The following RTN1 variants were observed in gnomAD, a reference collection of about 807,000 sequenced individuals.
The protein encoded by RTN1 is reticulon 1, also known as reticulon-1.
A neutral mutation model predicts 65.5 loss-of-function variants in RTN1; 25 were observed. The observed-to-expected ratio is 0.38, with a 90% CI of 0.28 to 0.53. The LOEUF is 0.53. Among genes scored for constraint, RTN1 ranks in the 20% least tolerant of loss-of-function variants. RTN1 has a pLI of 0.79. For synonymous variants in RTN1, 471 were observed against 447.6 expected, an observed-to-expected ratio of 1.05 and a Z score of -0.66; for missense variants, 983 against 1,025.4, an observed-to-expected ratio of 0.96 and a Z score of 0.57.
intron 3 of RTN1, among the ~76,000 whole-genome samples, chr14:59,709,380 A>T (rs1884368602): frequency 6.6e-6 from 1 of 152,218 alleles, no homozygotes; most frequent in Admixed American, 6.5e-5. Flanking sequence ...ATTTCAAATC[A>T]CAGATGAGAG....
At chr14:59,750,065 T>TTATATATTATAGATATAA (rs1566713017) in intron 1 of RTN1, among the ~76,000 whole-genome samples, 8 of 27,130 alleles carry the variant, frequency 2.9e-4, no homozygotes, top group African/African-American at 1.1e-3. Flanking sequence ...TATACATATA[T>TTATATATTATAGATATAA]TATATATTAT....
chr14:59,637,709 T>TC (rs1882694668), intron 3 of RTN1, among the ~76,000 whole-genome samples: 1 of 84,636 alleles, frequency 1.2e-5, no homozygotes, highest in African/African-American at 5.5e-5. Context: ...AGACTCCGTC[T>TC]CAAAAAAAAA....
rs969413371 is a variant in RTN1 at position 59,854,703 on chromosome 14, G to A, written c.241+15687C>T. 2.0e-5 allele frequency among the ~76,000 whole-genome samples: 3 copies of A among 150,430 alleles called. No homozygotes were observed. In the South Asian group the frequency reaches 6.3e-4, roughly 31 times the overall value. ...AGAAAAGCCTAAAATAGGCAACAGA[G>A]TGAAATAATTAAGAGCATGAACCCT... On this transcript the variant is annotated intron_variant, in intron 1 of 8. Transcript: ENST00000267484.
At chr14:59,850,773 G>C (rs927323953) in intron 1 of RTN1, among the ~76,000 whole-genome samples, 7 of 152,214 alleles carry the variant, frequency 4.6e-5, no homozygotes, top group Admixed American at 4.6e-4. Context: ...TCCTTACTAT[G>C]TCTCAAACAC....
At chr14:59,788,158 T>C (rs1886286053) in intron 1 of RTN1, among the ~76,000 whole-genome samples, 1 of 152,222 alleles carries the variant, frequency 6.6e-6, no homozygotes, top group Non-Finnish European at 1.5e-5. Context: ...CAGAATTTTA[T>C]AACAATGCTC....
chr14:59,610,193 CTG>C, intron 3 of RTN1: 1 of 749,874 alleles, frequency 1.3e-6, no homozygotes, highest in Non-Finnish European at 2.5e-6. Context: ...CTCAAGAAGT[CTG>C]TGAATGGCAG....
intron 1 of RTN1, among the ~76,000 whole-genome samples, chr14:59,835,418 A>T (rs1455222792): frequency 6.6e-6 from 1 of 152,156 alleles, no homozygotes; most frequent in Non-Finnish European, 1.5e-5. Context: ...ACACAGGTCA[A>T]AGTTATTGTA....
intron 1 of RTN1, among the ~76,000 whole-genome samples, chr14:59,810,700 A>T (rs1005988422): frequency 6.6e-5 from 10 of 152,208 alleles, no homozygotes; most frequent in Admixed American, 5.9e-4. Flanking sequence ...ACTCAAGGAA[A>T]GTTACCAGGA....
intron 1 of RTN1, among the ~76,000 whole-genome samples, chr14:59,831,918 T>G (rs146246527): frequency 8.9e-4 from 136 of 152,240 alleles, no homozygotes; most frequent in African/African-American, 3.2e-3. Context: ...AGCATCACAC[T>G]GATGATCTCT....
At chr14:59,799,480 A>C (rs1419380372) in intron 1 of RTN1, among the ~76,000 whole-genome samples, 1 of 152,232 alleles carries the variant, frequency 6.6e-6, no homozygotes, top group Non-Finnish European at 1.5e-5. Flanking sequence ...AGCCCTCCCT[A>C]GAGAGATGGG....
intron 1 of RTN1, among the ~76,000 whole-genome samples, chr14:59,856,875 T>C (rs961410559): frequency 1.3e-5 from 2 of 152,228 alleles, no homozygotes; most frequent in Non-Finnish European, 2.9e-5. Flanking sequence ...TCTTCTTGTG[T>C]TATCCCATTT....
At chr14:59,750,339 A>T (rs1208436763) in intron 1 of RTN1, among the ~76,000 whole-genome samples, 1 of 1,250 alleles carries the variant, frequency 8.0e-4, no homozygotes, top group Non-Finnish European at 2.1e-3. Context: ...AATATATTAT[A>T]TCTATAATAT....
At chr14:59,793,203 A>G (rs999925428) in intron 1 of RTN1, among the ~76,000 whole-genome samples, 35 of 152,334 alleles carry the variant, frequency 2.3e-4, no homozygotes, top group African/African-American at 8.2e-4. Flanking sequence ...CATCAAGTAC[A>G]CATTTTGAAT....
At chr14:59,819,236 C>G (rs574451102) in intron 1 of RTN1, among the ~76,000 whole-genome samples, 10 of 152,078 alleles carry the variant, frequency 6.6e-5, no homozygotes, top group African/African-American at 2.4e-4. Flanking sequence ...TTGTGAAGAG[C>G]GAAAGAACTA....
chr14:59,718,321 A>T (rs181575395), intron 3 of RTN1, among the ~76,000 whole-genome samples: 80 of 152,306 alleles, frequency 5.3e-4, no homozygotes, highest in Non-Finnish European at 8.7e-4. Flanking sequence ...TGCTTGCCTC[A>T]ACTTGAAGCC....
chr14:59,630,602 G>A, intron 3 of RTN1: 1 of 1,586,136 alleles, frequency 6.3e-7, no homozygotes, highest in South Asian at 1.1e-5. Context: ...GCTCGCAGTG[G>A]CCGCGCGGCT....
intron 3 of RTN1, chr14:59,630,307 G>A: frequency 9.8e-7 from 1 of 1,019,298 alleles, no homozygotes. Context: ...TGAAATAAGA[G>A]GTTTACTACC....
chr14:59,753,946 G>A (rs983229034), intron 1 of RTN1, among the ~76,000 whole-genome samples: 5 of 152,166 alleles, frequency 3.3e-5, no homozygotes, highest in Non-Finnish European at 7.3e-5. Flanking sequence ...TTCATGCAGA[G>A]GCAAATGTAC....
chr14:59,665,737 AT>A (rs1883355664), intron 3 of RTN1, among the ~76,000 whole-genome samples: 1 of 152,172 alleles, frequency 6.6e-6, no homozygotes, highest in Non-Finnish European at 1.5e-5. Context: ...AAATAAAGGG[AT>A]GGAGGAAGAC....
Sources: gnomAD v4.1 joint callset for allele counts (sites outside exome capture counted in the v4.1 genomes callset) on GRCh38, gnomAD v4.1.1 for gene constraint, MANE v1.5 for transcripts, NCBI Gene and HGNC (gene_info 2026-07-23, HGNC 2026-07-21) for gene names.